GRM1: variants seen among roughly 807,000 people sequenced by gnomAD.
GRM1 encodes the protein glutamate metabotropic receptor 1.
Under a neutral mutation model 90.9 loss-of-function variants are expected in GRM1, and 33 were observed. The observed-to-expected ratio is 0.36, with a 90% CI of 0.28 to 0.49. The LOEUF is 0.49. GRM1 is among the 20% of genes least tolerant of loss of function. GRM1 has a pLI of 0.99. For synonymous variants in GRM1, 700 were observed against 613.2 expected (o/e 1.14, Z -2.09); for missense variants, 1,190 against 1,534.3 (o/e 0.78, Z 3.75).
intron 5 of GRM1, among the ~76,000 whole-genome samples, chr6:146,382,574 A>T (rs1273059530): frequency 6.6e-6 from 1 of 152,118 alleles, no homozygotes. Context: ...TTCTAAATAG[A>T]AGGTAATATG....
intron 1 of GRM1, among the ~76,000 whole-genome samples, chr6:146,072,610 G>A (rs1455225093): frequency 2.0e-5 from 3 of 152,016 alleles, no homozygotes; most frequent in Non-Finnish European, 2.9e-5. Context: ...TATTTGTGAG[G>A]TCAAATGGCA....
chr6:146,314,529 G>T (rs1002497787), intron 3 of GRM1, among the ~76,000 whole-genome samples: 7 of 151,908 alleles, frequency 4.6e-5, no homozygotes, highest in African/African-American at 1.7e-4. Flanking sequence ...TTTTTCTTTG[G>T]TCAGTTCTTT....
intron 3 of GRM1, among the ~76,000 whole-genome samples, chr6:146,309,824 G>A (rs1334246680): frequency 6.6e-6 from 1 of 151,974 alleles, no homozygotes; most frequent in Admixed American, 6.6e-5. Context: ...TGATAAATTT[G>A]GGGTCCCTTA....
intron 1 of GRM1, among the ~76,000 whole-genome samples, chr6:146,058,505 G>T (rs1439822858): frequency 6.6e-6 from 1 of 152,036 alleles, no homozygotes; most frequent in Non-Finnish European, 1.5e-5. Flanking sequence ...AATCTTTTTT[G>T]GTGGCTGAGG....
chr6:146,086,996 G>A (rs1752350623), intron 1 of GRM1, among the ~76,000 whole-genome samples: 1 of 152,044 alleles, frequency 6.6e-6, no homozygotes. Context: ...CCATGTCAAA[G>A]AGACATGAAA....
intron 2 of GRM1, among the ~76,000 whole-genome samples, chr6:146,248,658 T>A (rs1413318408): frequency 3.3e-5 from 5 of 152,186 alleles, no homozygotes; most frequent in African/African-American, 1.2e-4. Flanking sequence ...GAAAATGGAC[T>A]AATACAAAGA....
chr6:146,101,587 C>A (rs1777051275), intron 1 of GRM1, among the ~76,000 whole-genome samples: 1 of 152,084 alleles, frequency 6.6e-6, no homozygotes, highest in Admixed American at 6.6e-5. Context: ...CTTCCACCAC[C>A]ACACTGCAAC....
chr6:146,076,123 G>A (rs545349363), intron 1 of GRM1, among the ~76,000 whole-genome samples: 1 of 152,312 alleles, frequency 6.6e-6, no homozygotes, highest in African/African-American at 2.4e-5. Context: ...AGGAGCTGAA[G>A]AGGGTGCATG....
chr6:146,394,227 C>T (rs1316965602), intron 6 of GRM1, among the ~76,000 whole-genome samples: 5 of 152,046 alleles, frequency 3.3e-5, no homozygotes, highest in East Asian at 1.9e-4. Flanking sequence ...TATTATTTCT[C>T]GAATGATGTC....
intron 2 of GRM1, among the ~76,000 whole-genome samples, chr6:146,221,635 G>T (rs975232420): frequency 6.6e-6 from 1 of 152,192 alleles, no homozygotes; most frequent in African/African-American, 2.4e-5. Flanking sequence ...TTGTTAGTGT[G>T]AGTAGCGCTG....
chr6:146,203,149 G>A (rs1017190185), intron 2 of GRM1, among the ~76,000 whole-genome samples: 1 of 151,886 alleles, frequency 6.6e-6, no homozygotes, highest in East Asian at 1.9e-4. Flanking sequence ...AGCCAAGATA[G>A]CGCCACATCA....
At chr6:146,223,399 C>T (rs1417001632) in intron 2 of GRM1, among the ~76,000 whole-genome samples, 1 of 151,934 alleles carries the variant, frequency 6.6e-6, no homozygotes, top group Non-Finnish European at 1.5e-5. Flanking sequence ...ATGTTTTTTT[C>T]ACATCATTCT....
chr6:146,068,280 A>G (rs1775915819), intron 1 of GRM1, among the ~76,000 whole-genome samples: 1 of 148,704 alleles, frequency 6.7e-6, no homozygotes, highest in South Asian at 2.1e-4. Context: ...CGCCTGGCTA[A>G]TTTTTTGTAT....
chr6:146,340,139 G>A (rs1032582130), intron 3 of GRM1, among the ~76,000 whole-genome samples: 4 of 152,154 alleles, frequency 2.6e-5, no homozygotes, highest in Non-Finnish European at 4.4e-5. Flanking sequence ...TCAATGCCAG[G>A]TATGTACTTA....
intron 7 of GRM1, among the ~76,000 whole-genome samples, chr6:146,414,410 G>A (rs202242605): frequency 4.0e-5 from 3 of 75,104 alleles, no homozygotes; most frequent in Non-Finnish European, 7.4e-5. Flanking sequence ...TATTATTTTT[G>A]TTGTTGTTGT....
At chr6:146,337,745 A>T (rs1225079841) in intron 3 of GRM1, among the ~76,000 whole-genome samples, 2 of 152,276 alleles carry the variant, frequency 1.3e-5, no homozygotes, top group Non-Finnish European at 2.9e-5. Flanking sequence ...TGAAAAAATT[A>T]TAACGACTTG....
intron 2 of GRM1, among the ~76,000 whole-genome samples, chr6:146,186,861 T>C (rs1778753173): frequency 1.3e-5 from 2 of 152,234 alleles, no homozygotes; most frequent in Admixed American, 6.5e-5. Context: ...TTGTACATTG[T>C]CCTAACTCAA....
chr6:146,175,082 T>C (rs1778290604), intron 2 of GRM1, among the ~76,000 whole-genome samples: 1 of 152,156 alleles, frequency 6.6e-6, no homozygotes, highest in Admixed American at 6.5e-5. Flanking sequence ...CCATATTCTA[T>C]TCATTAGAAG....
chr6:146,418,983 C>G (rs1777888988), intron 7 of GRM1, among the ~76,000 whole-genome samples: 1 of 152,064 alleles, frequency 6.6e-6, no homozygotes, highest in African/African-American at 2.4e-5. Context: ...TGAATTATGT[C>G]AGTCTTTAGA....
Sources: gnomAD v4.1 joint callset for allele counts (sites outside exome capture counted in the v4.1 genomes callset) on GRCh38, gnomAD v4.1.1 for gene constraint, MANE v1.5 for transcripts, NCBI Gene and HGNC (gene_info 2026-07-23, HGNC 2026-07-21) for gene names.